DIO2: variants seen among roughly 807,000 people sequenced by gnomAD.
The protein encoded by DIO2 is iodothyronine deiodinase 2, also known as type II iodothyronine deiodinase.
Under a neutral mutation model 21.4 loss-of-function variants are expected in DIO2, and 19 were observed. The ratio of observed to expected loss-of-function variants is 0.89; its 90% CI spans 0.62 to 1.30. The LOEUF (loss-of-function observed/expected upper bound fraction) is 1.30. Among genes scored for constraint, DIO2 ranks in the 50% most tolerant of loss-of-function variants. DIO2 has a pLI of 0.00. For missense variants in DIO2, 302 were observed against 338.1 expected (o/e 0.89, Z 0.84); for synonymous variants, 122 against 132.9 (o/e 0.92, Z 0.57).
chr14:80,208,714 G>C (rs1170507560), intron 1 of DIO2, among the ~76,000 whole-genome samples: 4 of 152,158 alleles, frequency 2.6e-5, no homozygotes. Context: ...TGGCACAAAT[G>C]ACAAGAGCAT....
Position 80,199,016 on chromosome 14 carries a change from C to A in DIO2, c.*3673G>T, listed in dbSNP as rs1453925211. 3 of 152,218 alleles carry A rather than the reference C, an allele frequency of 2.0e-5. No homozygotes were observed. The highest frequency in any genetic ancestry group is 7.2e-5 in the African/African-American group (3 of 41,448). 9.4% of individuals were successfully genotyped at this position (152,218 alleles called of 1,614,324 possible). ...GGGTGGAACAAATGTCCAGATTCAT[C>A]CATCCTCTTAAGATTGACATAAAGA... On this transcript the variant is annotated 3_prime_UTR_variant, in exon 2 of 2. Coordinates refer to ENST00000438257, the MANE Select transcript of DIO2 (RefSeq NM_013989.5).
At chr14:80,214,925 A>G (rs1888316893), upstream of DIO2, among the ~76,000 whole-genome samples, 1 of 152,110 alleles carries the variant, frequency 6.6e-6, no homozygotes, top group African/African-American at 2.4e-5. Context: ...AATGTCTGTT[A>G]TGGGTCCTGG....
chr14:80,211,573 GGAAGGTTGGGGGTTGGGGGA>G, upstream of DIO2: 1 of 135,902 alleles, frequency 7.4e-6, no homozygotes, highest in East Asian at 2.5e-4. Flanking sequence ...GAGGTAAGGG[GGAAGGTTGGGGGTTGGGGGA>G]GAAGGGGAAA....
At chr14:80,205,825 G>A (rs1227103289) in intron 1 of DIO2, 2 of 737,026 alleles carry the variant, frequency 2.7e-6, no homozygotes, top group South Asian at 4.3e-5. Context: ...GTTAGACTGG[G>A]AAGTATTTAT....
chr14:80,224,496 T>TACACAC (rs59545805), intron 2 of DIO2, among the ~76,000 whole-genome samples: 15,639 of 138,270 alleles, frequency 0.11, 958 homozygotes, highest in Non-Finnish European at 0.11. Context: ...AGAGAGATAC[T>TACACAC]ACACACACAC....
chr14:80,210,212 G>A (rs1888120847), intron 1 of DIO2, among the ~76,000 whole-genome samples: 1 of 152,164 alleles, frequency 6.6e-6, no homozygotes, highest in Admixed American at 6.5e-5. Flanking sequence ...TTGAGGGGGT[G>A]GAGGGGACCT....
intron 2 of DIO2, among the ~76,000 whole-genome samples, chr14:80,222,683 T>C (rs556823789): frequency 3.9e-5 from 6 of 152,308 alleles, no homozygotes; most frequent in African/African-American, 1.2e-4. Context: ...TCTTGTGCCA[T>C]ATGAACTACC....
Position 80,203,097 on chromosome 14 carries a change from G to T in DIO2, c.414C>A (p.Ser138Arg). Residue 138 changes from serine to arginine, a missense_variant, in exon 2 of 2, where the codon AGC becomes AGA. By Grantham distance (110) the Ser-to-Arg change is moderately radical. Coordinates refer to ENST00000438257, the MANE Select transcript of DIO2 (RefSeq NM_013989.5). ...CCAGTTTGCGGAAGGCTGGCAGCTG[G>T]CTCGTGAAAGGAGGTCAAGTGGCTG... Reference protein sequence around the residue: ...FGSATUPPFTSQLPAFRKLVE... With the variant: ...FGSATUPPFTRQLPAFRKLVE... 1 of 1,613,862 alleles carries T rather than the reference G, an allele frequency of 6.2e-7. No homozygotes were observed. Among genetic ancestry groups the T allele is most frequent in the Non-Finnish European group, 8.5e-7 (1 of 1,179,842 alleles).
chr14:80,220,490 G>A (rs1888445136), intron 2 of DIO2, among the ~76,000 whole-genome samples: 1 of 152,064 alleles, frequency 6.6e-6, no homozygotes, highest in South Asian at 2.1e-4. Context: ...ATATAATTTA[G>A]AGCCATTCCT....
Position 80,203,357 on chromosome 14 carries a change from C to T in DIO2, c.223-69G>A. 5 of 1,442,560 alleles carry T rather than the reference C, an allele frequency of 3.5e-6. No homozygotes were observed. The South Asian group carries it at 7.5e-5, about 22-fold the overall frequency. 89.4% of individuals were successfully genotyped at this position (1,442,560 alleles called of 1,614,324 possible). A position where few individuals can be genotyped will look rare whatever the true frequency, so the allele number is the denominator to read the frequency against. Reference sequence around the variant, plus strand: ...GAATATCACATTAAACACATTGCCACTTGAATTCACATTAAATAGTTACAA... The same window carrying T: ...GAATATCACATTAAACACATTGCCATTTGAATTCACATTAAATAGTTACAA... On this transcript the variant is annotated intron_variant, in intron 1 of 1. Transcript: ENST00000438257.
intron 2 of DIO2, among the ~76,000 whole-genome samples, chr14:80,228,120 A>G (rs546267060): frequency 6.6e-6 from 1 of 152,324 alleles, no homozygotes; most frequent in East Asian, 1.9e-4. Flanking sequence ...AGTGTAATGG[A>G]CCAGTGTGAT....
In DIO2 at chr14:80,202,492, A is replaced by T; in HGVS notation, c.*197T>A. The stretch of plus-strand genomic sequence containing the variant: ...GGGCTTTTTACTAAGAAGAGAGGTG[A>T]TATGGTTACTTACTCAGCCCAATGC... On this transcript the variant is annotated 3_prime_UTR_variant, in exon 2 of 2. Coordinates refer to ENST00000438257, the MANE Select transcript of DIO2 (RefSeq NM_013989.5). The T allele has an allele frequency of 1.4e-6, 1 of 737,302 alleles. No individual in the cohort carries two copies. Among genetic ancestry groups the T allele is most frequent in the Admixed American group, 1.9e-5 (1 of 51,776 alleles). The allele number at this position is 737,302 out of a possible 1,614,324, so 45.7% of individuals were successfully genotyped here.
At chr14:80,228,123 A>G (rs1170868718) in intron 2 of DIO2, among the ~76,000 whole-genome samples, 1 of 152,238 alleles carries the variant, frequency 6.6e-6, no homozygotes, top group Non-Finnish European at 1.5e-5. Context: ...GTAATGGACC[A>G]GTGTGATATC....
At chr14:80,228,165 C>T (rs1273700075) in intron 2 of DIO2, among the ~76,000 whole-genome samples, 5 of 152,124 alleles carry the variant, frequency 3.3e-5, no homozygotes, top group South Asian at 2.1e-4. Flanking sequence ...AAGGTTGCTC[C>T]GAATAAGATT....
chr14:80,214,182 C>T (rs988950763), upstream of DIO2, among the ~76,000 whole-genome samples: 16 of 152,172 alleles, frequency 1.1e-4, no homozygotes, highest in Non-Finnish European at 2.1e-4. Flanking sequence ...ATGCTGCTTC[C>T]ACTCAATTGC....
At chr14:80,210,566 T>C (rs1345330909) in intron 1 of DIO2, among the ~76,000 whole-genome samples, 2 of 152,184 alleles carry the variant, frequency 1.3e-5, no homozygotes, top group Non-Finnish European at 2.9e-5. Flanking sequence ...AAATGCTGGA[T>C]TTCTGACAGC....
At chr14:80,227,691 G>C (rs1888603835) in intron 2 of DIO2, among the ~76,000 whole-genome samples, 2 of 152,196 alleles carry the variant, frequency 1.3e-5, no homozygotes, top group Non-Finnish European at 2.9e-5. Context: ...GATTGGATCT[G>C]TTGGGTCATA....
intron 1 of DIO2, among the ~76,000 whole-genome samples, chr14:80,205,106 C>T (rs981446930): frequency 9.2e-5 from 14 of 152,034 alleles, no homozygotes; most frequent in Admixed American, 3.9e-4. Context: ...ATATGAACTA[C>T]CCTAGTCTTT....
chr14:80,215,827 G>C (rs913827369), upstream of DIO2: 5 of 152,364 alleles, frequency 3.3e-5, no homozygotes, highest in East Asian at 7.7e-4. Flanking sequence ...GAGTTATGAC[G>C]AACGGCTTAC....
Sources: allele counts gnomAD v4.1 joint callset (sites outside exome capture counted in the v4.1 genomes callset), GRCh38; gene constraint gnomAD v4.1.1; transcripts MANE v1.5; gene names NCBI Gene and HGNC (gene_info 2026-07-23, HGNC 2026-07-21).